The following HTR4 variants were observed in gnomAD, a reference collection of about 807,000 sequenced individuals.
The protein encoded by HTR4 is 5-hydroxytryptamine (serotonin) receptor 4, G protein-coupled.
A neutral mutation model predicts 36.8 loss-of-function variants in HTR4; 16 were observed. The observed-to-expected ratio is 0.43, with a 90% CI of 0.29 to 0.66. The LOEUF (loss-of-function observed/expected upper bound fraction) is 0.66. HTR4 is among the 30% of genes least tolerant of loss of function. The probability of loss-of-function intolerance (pLI) is 0.13; values close to 1 mark genes in which losing one functional copy is unlikely to be tolerated. For missense variants in HTR4, 438 were observed against 490.9 expected, an observed-to-expected ratio of 0.89 and a Z score of 1.02; for synonymous variants, 189 against 185.1, an observed-to-expected ratio of 1.02 and a Z score of -0.17.
At chr5:148,517,202 G>A (rs552253803) in intron 5 of HTR4, among the ~76,000 whole-genome samples, 2 of 152,056 alleles carry the variant, frequency 1.3e-5, no homozygotes, top group South Asian at 2.1e-4. Context: ...TTGCTTCCAA[G>A]ACAATTTTCT....
In HTR4 at chr5:148,527,202, T is replaced by C. The variant is rs536230665; in HGVS notation, c.354-3856A>G. On this transcript the variant is annotated intron_variant, in intron 4 of 6. Transcript: ENST00000377888. The stretch of plus-strand genomic sequence containing the variant: ...TAAAATATTTTACATAAATAAATAA[T>C]ATCTTGCAGGACAAAAAGTACGTTT... 2.8e-4 allele frequency among the ~76,000 whole-genome samples: 42 copies of C among 152,270 alleles called. No homozygotes were observed. The South Asian group carries it at 8.5e-3, about 31-fold the overall frequency.
At chr5:148,537,471 A>C (rs1424226697) in intron 4 of HTR4, among the ~76,000 whole-genome samples, 3 of 152,138 alleles carry the variant, frequency 2.0e-5, no homozygotes, top group Non-Finnish European at 2.9e-5. Flanking sequence ...GAAAACATGA[A>C]GAAGATAGAT....
chr5:148,471,271 C>A (rs1276445762), intron 5 of HTR4, among the ~76,000 whole-genome samples: 1 of 152,176 alleles, frequency 6.6e-6, no homozygotes, highest in Non-Finnish European at 1.5e-5. Flanking sequence ...AGGCTGAGAG[C>A]TAGCCGACCC....
intron 2 of HTR4, among the ~76,000 whole-genome samples, chr5:148,568,598 T>C (rs937204812): frequency 1.3e-5 from 2 of 152,086 alleles, no homozygotes; most frequent in African/African-American, 4.8e-5. Flanking sequence ...AGCCAGGAAA[T>C]TGTAACTTCA....
chr5:148,557,560 G>C (rs1004816091), intron 2 of HTR4, among the ~76,000 whole-genome samples: 1 of 151,904 alleles, frequency 6.6e-6, no homozygotes, highest in Non-Finnish European at 1.5e-5. Context: ...ATGGGATTTA[G>C]AGAACTGAGG....
intron 2 of HTR4, among the ~76,000 whole-genome samples, chr5:148,588,635 G>C (rs947321356): frequency 6.7e-6 from 1 of 149,666 alleles, no homozygotes; most frequent in Non-Finnish European, 1.5e-5. Flanking sequence ...CCGCTTCCCG[G>C]GTTCACGCCA....
At chr5:148,471,924 A>G (rs1037284201), downstream of HTR4, among the ~76,000 whole-genome samples, 4 of 152,192 alleles carry the variant, frequency 2.6e-5, no homozygotes, top group Admixed American at 1.3e-4. Context: ...TTTGATGAGA[A>G]AAAGGGAAAC....
chr5:148,557,082 C>T (rs888919713), intron 2 of HTR4, among the ~76,000 whole-genome samples: 1 of 152,008 alleles, frequency 6.6e-6, no homozygotes. Context: ...GAAGCCAGAC[C>T]CTGAGGGCTT....
At chr5:148,539,044 G>A (rs1282195440) in intron 4 of HTR4, among the ~76,000 whole-genome samples, 1 of 152,066 alleles carries the variant, frequency 6.6e-6, no homozygotes, top group Non-Finnish European at 1.5e-5. Flanking sequence ...GACCAGTGGA[G>A]CAGAATAGAG....
chr5:148,598,018 C>A (rs1053258546), intron 2 of HTR4, among the ~76,000 whole-genome samples: 4 of 152,254 alleles, frequency 2.6e-5, no homozygotes, highest in African/African-American at 7.2e-5. Flanking sequence ...AAAAGGGAGG[C>A]AAAATACCTT....
intron 2 of HTR4, among the ~76,000 whole-genome samples, chr5:148,617,660 G>C (rs958584430): frequency 6.6e-6 from 1 of 151,834 alleles, no homozygotes; most frequent in Non-Finnish European, 1.5e-5. Flanking sequence ...GTAAAGAGAG[G>C]GTTTCACCAT....
At chr5:148,631,275 C>T (rs1230528247) in intron 2 of HTR4, among the ~76,000 whole-genome samples, 2 of 152,160 alleles carry the variant, frequency 1.3e-5, no homozygotes, top group Admixed American at 6.6e-5. Flanking sequence ...GTATTATTCT[C>T]ATTTACATTT....
chr5:148,539,320 G>A (rs1478934084), intron 4 of HTR4, among the ~76,000 whole-genome samples: 1 of 152,154 alleles, frequency 6.6e-6, no homozygotes, highest in African/African-American at 2.4e-5. Flanking sequence ...AACAGGCAAA[G>A]ATTTCATTAC....
chr5:148,574,412 TCA>T (rs1450642991), intron 2 of HTR4, among the ~76,000 whole-genome samples: 1 of 150,802 alleles, frequency 6.6e-6, no homozygotes, highest in East Asian at 2.0e-4. Flanking sequence ...TCTCTCTCAC[TCA>T]CACACACACG....
Position 148,578,224 on chromosome 5 carries a change from T to G in HTR4, c.27-27962A>C, listed in dbSNP as rs182774823. 2.2e-3 allele frequency among the ~76,000 whole-genome samples: 334 copies of G among 152,150 alleles called. 2 individuals are homozygous for G. The highest frequency in any genetic ancestry group is 7.8e-3 in the African/African-American group (324 of 41,528). ...GTAAACTGTATTTGTCGTGCTTTGT[T>G]TCCTAAACTGGATGATGCAGATTTG... On this transcript the variant is annotated intron_variant, in intron 2 of 6. Coordinates refer to ENST00000377888, the MANE Select transcript of HTR4 (RefSeq NM_000870.7).
intron 1 of HTR4, among the ~76,000 whole-genome samples, chr5:148,642,692 T>A (rs1753765424): frequency 1.3e-5 from 2 of 152,104 alleles, no homozygotes; most frequent in Non-Finnish European, 2.9e-5. Context: ...ATGAAAAAAA[T>A]TATCGAATCA....
At chr5:148,636,662 A>G (rs1025319273) in intron 2 of HTR4, among the ~76,000 whole-genome samples, 12 of 152,322 alleles carry the variant, frequency 7.9e-5, no homozygotes, top group African/African-American at 2.9e-4. Flanking sequence ...AGATATACAG[A>G]TAGATATTCT....
At chr5:148,476,833 T>A, downstream of HTR4, 1 of 1,596,456 alleles carries the variant, frequency 6.3e-7, no homozygotes, top group Non-Finnish European at 8.5e-7. Flanking sequence ...AATAAAATGT[T>A]TGGGGATTGG....
chr5:148,585,062 T>A (rs536168871), intron 2 of HTR4, among the ~76,000 whole-genome samples: 3 of 152,250 alleles, frequency 2.0e-5, no homozygotes, highest in Admixed American at 2.0e-4. Context: ...TGGGTGTGAG[T>A]CCTGGCTAGC....
Sources: allele counts gnomAD v4.1 joint callset (sites outside exome capture counted in the v4.1 genomes callset), GRCh38; gene constraint gnomAD v4.1.1; transcripts MANE v1.5; gene names NCBI Gene and HGNC (gene_info 2026-07-23, HGNC 2026-07-21).